The following CPNE4 variants were observed in gnomAD, a reference collection of about 807,000 sequenced individuals.
CPNE4 encodes copine-4.
A neutral mutation model predicts 67.9 loss-of-function variants in CPNE4; 25 were observed. The ratio of observed to expected loss-of-function variants is 0.37; its 90% CI spans 0.27 to 0.51. CPNE4 has a LOEUF of 0.51. Ranked by LOEUF, CPNE4 falls within the 20% of genes least tolerant of loss-of-function variation. The probability of loss-of-function intolerance (pLI) is 0.93; values close to 1 mark genes in which losing one functional copy is unlikely to be tolerated. For synonymous variants in CPNE4, 242 were observed against 244.9 expected (o/e 0.99, Z 0.11); for missense variants, 464 against 690.8 (o/e 0.67, Z 3.68).
intron 2 of CPNE4, among the ~76,000 whole-genome samples, chr3:131,884,488 A>C (rs973989280): frequency 6.6e-6 from 1 of 152,222 alleles, no homozygotes. Context: ...GGTGGGCACC[A>C]GCAGGAGAGG....
chr3:131,841,945 TGTGC>T (rs1307392669), intron 2 of CPNE4, among the ~76,000 whole-genome samples: 1 of 152,122 alleles, frequency 6.6e-6, no homozygotes, highest in Non-Finnish European at 1.5e-5. Context: ...AGAGAGGGTG[TGTGC>T]GTGTGTGTAA....
intron 15 of CPNE4, among the ~76,000 whole-genome samples, chr3:131,541,315 T>TA (rs930813632): frequency 2.6e-5 from 4 of 152,164 alleles, no homozygotes; most frequent in African/African-American, 9.7e-5. Context: ...TGTGGAAATT[T>TA]AAAAAATGCT....
At chr3:131,880,337 G>C (rs988602083) in intron 2 of CPNE4, among the ~76,000 whole-genome samples, 4 of 151,974 alleles carry the variant, frequency 2.6e-5, no homozygotes, top group Non-Finnish European at 4.4e-5. Flanking sequence ...GGATGATCTC[G>C]ATCTCCTGAG....
intron 3 of CPNE4, among the ~76,000 whole-genome samples, chr3:131,715,938 C>G (rs753444431): frequency 2.6e-5 from 4 of 152,114 alleles, no homozygotes; most frequent in Non-Finnish European, 4.4e-5. Context: ...TCAAAACTTA[C>G]CCAGAAAGAG....
chr3:131,986,833 A>AAAAAAAAAAC (rs1361973864), intron 1 of CPNE4, among the ~76,000 whole-genome samples: 1 of 139,622 alleles, frequency 7.2e-6, no homozygotes, highest in Non-Finnish European at 1.5e-5. Context: ...TCGGTCTCAA[A>AAAAAAAAAAC]AAAAAAAAAC....
At chr3:131,763,306 C>G (rs2082933914) in intron 2 of CPNE4, among the ~76,000 whole-genome samples, 1 of 152,132 alleles carries the variant, frequency 6.6e-6, no homozygotes, top group Non-Finnish European at 1.5e-5. Context: ...TGCAGCTGAT[C>G]TGCAGTGTAC....
intron 1 of CPNE4, among the ~76,000 whole-genome samples, chr3:131,915,144 A>G (rs1038522193): frequency 2.0e-5 from 3 of 152,198 alleles, no homozygotes; most frequent in Non-Finnish European, 4.4e-5. Flanking sequence ...TGTCATAGTA[A>G]GTGACACAGC....
chr3:131,592,503 AC>A (rs1236596000), intron 7 of CPNE4, among the ~76,000 whole-genome samples: 1 of 152,188 alleles, frequency 6.6e-6, no homozygotes, highest in African/African-American at 2.4e-5. Flanking sequence ...ACTGCCATTT[AC>A]AGGTGCAATT....
At chr3:131,850,529 T>C (rs189722162) in intron 2 of CPNE4, among the ~76,000 whole-genome samples, 74 of 152,246 alleles carry the variant, frequency 4.9e-4, no homozygotes, top group African/African-American at 1.7e-3. Context: ...AAATGCTTCT[T>C]TTCAAGTGTG....
intron 2 of CPNE4, among the ~76,000 whole-genome samples, chr3:131,743,095 A>G (rs1371562010): frequency 1.3e-5 from 2 of 152,216 alleles, no homozygotes; most frequent in Admixed American, 6.5e-5. Context: ...AAACAGACCA[A>G]CAGCTAGCAG....
intron 8 of CPNE4, among the ~76,000 whole-genome samples, chr3:131,584,606 T>A (rs1436461801): frequency 6.6e-6 from 1 of 152,038 alleles, no homozygotes; most frequent in Admixed American, 6.5e-5. Flanking sequence ...TCTCTTTAAT[T>A]ATCTACACAG....
intron 9 of CPNE4, among the ~76,000 whole-genome samples, chr3:131,580,388 CTATACATATACATATACA>C (rs56222832): frequency 0.095 from 12,580 of 132,176 alleles, 776 homozygotes; most frequent in Admixed American, 0.18. Context: ...ACATTGGCCT[CTATACATATACATATACA>C]TATACATATA....
At chr3:131,717,873 CT>C (rs1242754835) in intron 3 of CPNE4, among the ~76,000 whole-genome samples, 2,015 of 50,658 alleles carry the variant, frequency 0.04, 27 homozygotes, top group Admixed American at 0.068. Context: ...TTCTTTCTTT[CT>C]TTTCTTTCTT....
At chr3:131,724,149 AGG>A (rs2081951945) in intron 2 of CPNE4, among the ~76,000 whole-genome samples, 1 of 152,154 alleles carries the variant, frequency 6.6e-6, no homozygotes, top group African/African-American at 2.4e-5. Flanking sequence ...AGTGCTATGT[AGG>A]TGTCTCATTT....
chr3:131,659,177 A>G (rs2080059032), intron 7 of CPNE4, among the ~76,000 whole-genome samples: 1 of 152,248 alleles, frequency 6.6e-6, no homozygotes, highest in Admixed American at 6.5e-5. Context: ...CAACCAGCAT[A>G]ACCAGTGTTA....
Position 131,535,175 on chromosome 3 carries a change from T to A in CPNE4, c.*20A>T. 1 of 1,592,828 alleles carries A rather than the reference T, an allele frequency of 6.3e-7. No homozygotes were observed. Among genetic ancestry groups the A allele is most frequent in the South Asian group, 1.2e-5 (1 of 86,802 alleles). ...TAGCAGGAATAGTATTTCAGAACTC[T>A]GTAAAACTGTGTGGGGAGTTCATGG... On this transcript the variant is annotated 3_prime_UTR_variant, in exon 16 of 16. Coordinates refer to ENST00000429747, the MANE Select transcript of CPNE4 (RefSeq NM_130808.3).
chr3:131,870,943 A>C (rs1414635131), intron 2 of CPNE4, among the ~76,000 whole-genome samples: 1 of 152,170 alleles, frequency 6.6e-6, no homozygotes, highest in African/African-American at 2.4e-5. Flanking sequence ...CTTTTGTTGA[A>C]CATCCTCCAT....
At chr3:131,561,516 C>A (rs1461866223) in intron 11 of CPNE4, among the ~76,000 whole-genome samples, 1 of 152,000 alleles carries the variant, frequency 6.6e-6, no homozygotes, top group African/African-American at 2.4e-5. Context: ...GGAAGCTTTC[C>A]TTCAAGGCCA....
chr3:131,898,203 T>C (rs892916712), intron 2 of CPNE4, among the ~76,000 whole-genome samples: 4 of 152,130 alleles, frequency 2.6e-5, no homozygotes, highest in African/African-American at 9.7e-5. Flanking sequence ...CTTTGAAATG[T>C]TGAAGGTGAT....
Sources: allele counts gnomAD v4.1 joint callset (sites outside exome capture counted in the v4.1 genomes callset), GRCh38; gene constraint gnomAD v4.1.1; transcripts MANE v1.5; gene names NCBI Gene and HGNC (gene_info 2026-07-23, HGNC 2026-07-21).